Variants in FHIT observed in about 807,000 individuals in gnomAD.
FHIT encodes fragile histidine triad diadenosine triphosphatase.
Under a neutral mutation model 17.9 loss-of-function variants are expected in FHIT, and 19 were observed. That is an observed-to-expected ratio of 1.06 (90% CI 0.74 to 1.56). The LOEUF is 1.56. FHIT is among the 40% of genes most tolerant of loss of function. FHIT has a pLI of 0.00. For missense variants in FHIT, 248 were observed against 189.2 expected (o/e 1.31, Z -1.82); for synonymous variants, 81 against 69.7 (o/e 1.16, Z -0.81).
chr3:60,313,555 G>A (rs997987876), intron 5 of FHIT, among the ~76,000 whole-genome samples: 20 of 152,292 alleles, frequency 1.3e-4, no homozygotes, highest in African/African-American at 3.1e-4. Flanking sequence ...AGGTTGTCAC[G>A]TAAAGTGCAA....
At chr3:60,013,658 G>T (rs1397568289) in intron 6 of FHIT, among the ~76,000 whole-genome samples, 1 of 152,166 alleles carries the variant, frequency 6.6e-6, no homozygotes, top group East Asian at 1.9e-4. Flanking sequence ...TTAGAGCAGG[G>T]CTTAGTCTAT....
At chr3:61,001,281 A>G (rs1170468944) in intron 3 of FHIT, among the ~76,000 whole-genome samples, 1 of 152,220 alleles carries the variant, frequency 6.6e-6, no homozygotes, top group Non-Finnish European at 1.5e-5. Context: ...TAAATTTGCT[A>G]TATTACCCAG....
intron 4 of FHIT, among the ~76,000 whole-genome samples, chr3:60,550,545 G>A (rs548133036): frequency 1.3e-3 from 199 of 151,242 alleles, no homozygotes; most frequent in Non-Finnish European, 2.5e-3. Flanking sequence ...AAACACCTAG[G>A]TATTTCAAAA....
intron 8 of FHIT, among the ~76,000 whole-genome samples, chr3:59,882,201 T>TA (rs57400121): frequency 0.12 from 17,559 of 152,042 alleles, 2,291 homozygotes; most frequent in African/African-American, 0.33. Context: ...ATGCAAAATG[T>TA]AAAAGTCTTA....
intron 4 of FHIT, among the ~76,000 whole-genome samples, chr3:60,558,615 T>C (rs2036825330): frequency 6.6e-6 from 1 of 152,060 alleles, no homozygotes; most frequent in Non-Finnish European, 1.5e-5. Context: ...AGCTCCGACC[T>C]CCAGTCAAAA....
chr3:60,958,483 T>G (rs1410490691), intron 3 of FHIT, among the ~76,000 whole-genome samples: 1 of 152,234 alleles, frequency 6.6e-6, no homozygotes, highest in Admixed American at 6.5e-5. Context: ...TACTTAAGTC[T>G]TGTTCTTTAG....
intron 7 of FHIT, among the ~76,000 whole-genome samples, chr3:59,979,067 A>G (rs1433692584): frequency 6.6e-6 from 1 of 152,140 alleles, no homozygotes; most frequent in East Asian, 1.9e-4. Context: ...TTAGGGTGCT[A>G]TTCTTTCTGA....
chr3:61,051,722 A>C (rs1247526758), intron 2 of FHIT, among the ~76,000 whole-genome samples: 19 of 152,214 alleles, frequency 1.2e-4, no homozygotes. Context: ...AATATAACAC[A>C]TGCAAAGAGA....
intron 3 of FHIT, among the ~76,000 whole-genome samples, chr3:61,033,637 G>T (rs2033109950): frequency 6.6e-6 from 1 of 152,136 alleles, no homozygotes; most frequent in Non-Finnish European, 1.5e-5. Context: ...GGCACAGAAG[G>T]AAAGACTCCA....
chr3:61,205,567 G>C (rs888890391), intron 1 of FHIT, among the ~76,000 whole-genome samples: 1 of 152,160 alleles, frequency 6.6e-6, no homozygotes. Context: ...TGTCTCTGAT[G>C]GCCAGTGATG....
chr3:59,832,589 G>A (rs1240727230), intron 8 of FHIT, among the ~76,000 whole-genome samples: 1 of 152,198 alleles, frequency 6.6e-6, no homozygotes, highest in Non-Finnish European at 1.5e-5. Context: ...TGGCCCCGAT[G>A]AGGGCTTCTC....
intron 4 of FHIT, among the ~76,000 whole-genome samples, chr3:60,569,640 C>G (rs1045299631): frequency 6.6e-6 from 1 of 150,450 alleles, no homozygotes; most frequent in African/African-American, 2.4e-5. Flanking sequence ...AGTCCCTCCC[C>G]TACATCTCAG....
At chr3:60,298,585 T>A (rs2088310) in intron 5 of FHIT, among the ~76,000 whole-genome samples, 1 of 151,948 alleles carries the variant, frequency 6.6e-6, no homozygotes, top group Admixed American at 6.6e-5. Context: ...AGTCTTTCAA[T>A]GTTAAGTATG....
At chr3:60,173,191 A>G (rs1193718436) in intron 5 of FHIT, among the ~76,000 whole-genome samples, 2 of 152,180 alleles carry the variant, frequency 1.3e-5, no homozygotes, top group Non-Finnish European at 2.9e-5. Flanking sequence ...CTAGCCTCTC[A>G]GGTTGAAAGA....
intron 5 of FHIT, among the ~76,000 whole-genome samples, chr3:60,175,277 A>T (rs1701617672): frequency 6.6e-6 from 1 of 152,208 alleles, no homozygotes; most frequent in Admixed American, 6.5e-5. Flanking sequence ...TAAACTACAC[A>T]TATTGCTACC....
intron 4 of FHIT, among the ~76,000 whole-genome samples, chr3:60,724,300 T>C (rs1171303413): frequency 6.6e-6 from 1 of 152,220 alleles, no homozygotes; most frequent in Non-Finnish European, 1.5e-5. Flanking sequence ...TGATGTAACA[T>C]GTATCAGCAC....
At chr3:60,942,333 G>C (rs1159864141) in intron 3 of FHIT, among the ~76,000 whole-genome samples, 10 of 152,174 alleles carry the variant, frequency 6.6e-5, no homozygotes, top group African/African-American at 2.4e-4. Context: ...TTCATTCTCA[G>C]AAGCCAGACT....
intron 5 of FHIT, among the ~76,000 whole-genome samples, chr3:60,495,695 T>G (rs1380355459): frequency 1.3e-5 from 2 of 152,158 alleles, no homozygotes; most frequent in African/African-American, 4.8e-5. Context: ...TTAAAAAATT[T>G]CACGGCCTTT....
At position 60,398,092 on chromosome 3, in the gene FHIT, C is replaced by T. The variant is rs577545422; in HGVS notation, c.103+138768G>A. The stretch of plus-strand genomic sequence containing the variant: ...CTACTAACTCTCCAGTGTCCACGAG[C>T]CTAATTCCTCCTGGTTGTGAGACAA... On this transcript the variant is annotated intron_variant, in intron 5 of 9. Coordinates refer to ENST00000492590, the MANE Select transcript of FHIT (RefSeq NM_002012.4). Among the ~76,000 whole-genome samples, 4 of 152,168 alleles carry T rather than the reference C, an allele frequency of 2.6e-5. No homozygotes were observed. The East Asian group carries it at 7.8e-4, about 30-fold the overall frequency.
Sources: allele counts gnomAD v4.1 joint callset (sites outside exome capture counted in the v4.1 genomes callset), GRCh38; gene constraint gnomAD v4.1.1; transcripts MANE v1.5; gene names NCBI Gene and HGNC (gene_info 2026-07-23, HGNC 2026-07-21).